Variants in RPS6KC1 observed in about 807,000 individuals in gnomAD.
RPS6KC1 encodes the protein inactive ribosomal protein S6 kinase delta-1.
RPS6KC1 carries 54 observed loss-of-function variants against 103.8 expected under a neutral mutation model. That is an observed-to-expected ratio of 0.52 (90% CI 0.42 to 0.65). RPS6KC1 has a LOEUF of 0.65. Among genes scored for constraint, RPS6KC1 ranks in the 30% least tolerant of loss-of-function variants. The pLI, the probability that RPS6KC1 is intolerant of heterozygous loss-of-function variation, is 0.00. For missense variants in RPS6KC1, 1,151 were observed against 1,253.8 expected (o/e 0.92, Z 1.24); for synonymous variants, 439 against 438.7 (o/e 1.00, Z -0.01).
the RPS6KC1 span, among the ~76,000 whole-genome samples, chr1:213,303,143 T>C: frequency 6.6e-6 from 1 of 152,206 alleles, no homozygotes; most frequent in Non-Finnish European, 1.5e-5. Context: ...TTGGCATTTG[T>C]GGACTGGCTG....
At chr1:213,169,679 G>GA in intron 7 of RPS6KC1, among the ~76,000 whole-genome samples, 1 of 151,868 alleles carries the variant, frequency 6.6e-6, no homozygotes, top group East Asian at 1.9e-4. Context: ...TTTTGGGGGG[G>GA]CATTGATGAA....
chr1:213,057,318 G>T (rs2077414838), intron 1 of RPS6KC1, among the ~76,000 whole-genome samples: 1 of 152,120 alleles, frequency 6.6e-6, no homozygotes, highest in Admixed American at 6.6e-5. Context: ...GGGTAGGCTG[G>T]AAGGAGGCAG....
chr1:213,358,891 T>C, the RPS6KC1 span, among the ~76,000 whole-genome samples: 6 of 152,266 alleles, frequency 3.9e-5, no homozygotes, highest in Admixed American at 2.0e-4. Flanking sequence ...AATCCTGAGT[T>C]CTAGTTTGAT....
the RPS6KC1 span, among the ~76,000 whole-genome samples, chr1:213,494,630 G>C: frequency 6.6e-6 from 1 of 151,860 alleles, no homozygotes; most frequent in Admixed American, 6.6e-5. Context: ...AGAAAAGGAT[G>C]AAAAATATGA....
intron 7 of RPS6KC1, 40 bp downstream of exon 7, chr1:213,168,013 T>C: frequency 7.5e-7 from 1 of 1,332,214 alleles, no homozygotes; most frequent in Non-Finnish European, 1.1e-6. Context: ...TTCAGTGATT[T>C]TTTGCTGTCT....
At chr1:213,407,838 T>C in the RPS6KC1 span, among the ~76,000 whole-genome samples, 1 of 152,220 alleles carries the variant, frequency 6.6e-6, no homozygotes, top group Non-Finnish European at 1.5e-5. Context: ...TATGATTGCA[T>C]GTGTTTTTCA....
chr1:213,568,862 C>T, the RPS6KC1 span, among the ~76,000 whole-genome samples: 1 of 152,122 alleles, frequency 6.6e-6, no homozygotes, highest in Admixed American at 6.5e-5. Flanking sequence ...AATTGTGAGT[C>T]AAGGAGAAAA....
the RPS6KC1 span, among the ~76,000 whole-genome samples, chr1:213,760,498 G>T: frequency 2.0e-4 from 31 of 152,216 alleles, no homozygotes; most frequent in Middle Eastern, 6.8e-3. Context: ...TCTTGATCTG[G>T]TAAGATCTCA....
the RPS6KC1 span, among the ~76,000 whole-genome samples, chr1:213,753,381 G>T: frequency 6.6e-6 from 1 of 152,162 alleles, no homozygotes; most frequent in African/African-American, 2.4e-5. Flanking sequence ...GAGTAGCAAG[G>T]ATATCTACTT....
chr1:213,533,722 G>A, the RPS6KC1 span, among the ~76,000 whole-genome samples: 1 of 152,146 alleles, frequency 6.6e-6, no homozygotes, highest in African/African-American at 2.4e-5. Context: ...ATAATCTTTT[G>A]GTTATCATGT....
chr1:213,217,959 G>A lies in RPS6KC1; in HGVS notation c.1045-12538G>A, dbSNP rs1468501146. ...CTGGAAGCATTCCCTTTGAAAACTGGCACAAGACAGGGATACCCTCTCTCA... is the reference window on the plus strand; with the variant it reads ...CTGGAAGCATTCCCTTTGAAAACTGACACAAGACAGGGATACCCTCTCTCA... On this transcript the variant is annotated intron_variant, in intron 8 of 14. Transcript: ENST00000366960. Among the ~76,000 whole-genome samples the A allele has an allele frequency of 2.6e-5, 4 of 152,110 alleles. No homozygotes were observed. The South Asian group carries it at 8.3e-4, about 32-fold the overall frequency.
the RPS6KC1 span, among the ~76,000 whole-genome samples, chr1:213,745,082 G>A: frequency 1.3e-5 from 2 of 152,220 alleles, no homozygotes; most frequent in Non-Finnish European, 2.9e-5. Flanking sequence ...CAGCTAATAA[G>A]ATCCTCTGGT....
the RPS6KC1 span, among the ~76,000 whole-genome samples, chr1:213,406,200 T>C: frequency 0.016 from 2,410 of 152,256 alleles, 70 homozygotes; most frequent in African/African-American, 0.055. Context: ...CCACCTGGAA[T>C]GTTTAGGAGT....
chr1:213,145,517 A>G (rs2087647994), intron 6 of RPS6KC1, among the ~76,000 whole-genome samples: 1 of 152,068 alleles, frequency 6.6e-6, no homozygotes, highest in Non-Finnish European at 1.5e-5. Flanking sequence ...AAACTACTCG[A>G]GACCAAAAAA....
chr1:213,687,776 G>A, the RPS6KC1 span, among the ~76,000 whole-genome samples: 1 of 152,140 alleles, frequency 6.6e-6, no homozygotes, highest in Non-Finnish European at 1.5e-5. Flanking sequence ...AATAATCATG[G>A]GGACTGATAA....
At chr1:213,405,237 A>T in the RPS6KC1 span, among the ~76,000 whole-genome samples, 1 of 152,230 alleles carries the variant, frequency 6.6e-6, no homozygotes, top group Non-Finnish European at 1.5e-5. Flanking sequence ...GTTGATAGGC[A>T]TTGGGATACG....
the RPS6KC1 span, among the ~76,000 whole-genome samples, chr1:213,709,614 G>T: frequency 1.3e-5 from 2 of 151,082 alleles, no homozygotes; most frequent in East Asian, 3.9e-4. Context: ...TGATTTTAGG[G>T]TGTCAATTTT....
chr1:213,766,914 A>G, the RPS6KC1 span, among the ~76,000 whole-genome samples: 1 of 152,126 alleles, frequency 6.6e-6, no homozygotes, highest in Non-Finnish European at 1.5e-5. Flanking sequence ...TCCCCTCGCC[A>G]TTCAACCAGA....
the RPS6KC1 span, among the ~76,000 whole-genome samples, chr1:213,726,658 T>C: frequency 6.6e-6 from 1 of 152,218 alleles, no homozygotes; most frequent in East Asian, 1.9e-4. Context: ...TTTCCATCCA[T>C]GATGCTTTGG....
Sources: gnomAD v4.1 joint callset for allele counts (sites outside exome capture counted in the v4.1 genomes callset) on GRCh38, gnomAD v4.1.1 for gene constraint, MANE v1.5 for transcripts, NCBI Gene and HGNC (gene_info 2026-07-23, HGNC 2026-07-21) for gene names.